The following PPFIA2 variants were observed in gnomAD, a reference collection of about 807,000 sequenced individuals.
PPFIA2 encodes liprin-alpha-2.
A neutral mutation model predicts 175.5 loss-of-function variants in PPFIA2; 46 were observed. The observed-to-expected ratio is 0.26, with a 90% confidence interval of 0.21 to 0.34. PPFIA2 has a LOEUF of 0.34. Among genes scored for constraint, PPFIA2 ranks in the 10% least tolerant of loss-of-function variants. The pLI is 1.00. For synonymous variants in PPFIA2, 568 were observed against 511.4 expected (o/e 1.11, Z -1.49); for missense variants, 1,179 against 1,506.1 (o/e 0.78, Z 3.60).
chr12:81,604,664 T>G (rs118181538), intron 4 of PPFIA2, among the ~76,000 whole-genome samples: 2,982 of 151,660 alleles, frequency 0.02, 55 homozygotes, highest in Non-Finnish European at 0.029. Flanking sequence ...CAATCATTGG[T>G]TTTCAGGCAA....
At chr12:81,348,945 T>C (rs191801877) in intron 17 of PPFIA2, among the ~76,000 whole-genome samples, 152 of 152,306 alleles carry the variant, frequency 1.0e-3, no homozygotes, top group Non-Finnish European at 8.8e-4. Flanking sequence ...TCCCCTCTTA[T>C]ATAGAACCTG....
intron 3 of PPFIA2, among the ~76,000 whole-genome samples, chr12:81,722,847 G>C (rs142415567): frequency 6.6e-6 from 1 of 150,916 alleles, no homozygotes; most frequent in Non-Finnish European, 1.5e-5. Flanking sequence ...ATGTAAGCAC[G>C]CTGTGCTACC....
intron 8 of PPFIA2, among the ~76,000 whole-genome samples, chr12:81,400,604 T>G (rs1427963499): frequency 2.0e-5 from 3 of 152,210 alleles, no homozygotes; most frequent in African/African-American, 7.2e-5. Context: ...GATTTTACAT[T>G]TATTCAGCTT....
At chr12:81,473,909 C>T (rs1005355642) in intron 4 of PPFIA2, among the ~76,000 whole-genome samples, 1 of 152,132 alleles carries the variant, frequency 6.6e-6, no homozygotes, top group African/African-American at 2.4e-5. Context: ...GCATTCCTTA[C>T]TCATTTTTAT....
At chr12:81,570,254 A>G (rs1022740678) in intron 4 of PPFIA2, among the ~76,000 whole-genome samples, 7 of 152,296 alleles carry the variant, frequency 4.6e-5, no homozygotes, top group African/African-American at 1.4e-4. Context: ...TTTTGACTTG[A>G]CAATTACATT....
chr12:81,373,249 C>T (rs2035606010), intron 11 of PPFIA2, among the ~76,000 whole-genome samples: 1 of 151,568 alleles, frequency 6.6e-6, no homozygotes, highest in Non-Finnish European at 1.5e-5. Context: ...TTTTCTTATT[C>T]AGTAACTCAT....
At chr12:81,416,964 T>C (rs2143341793) in intron 7 of PPFIA2, among the ~76,000 whole-genome samples, 1 of 151,928 alleles carries the variant, frequency 6.6e-6, no homozygotes. Flanking sequence ...AATAAATATT[T>C]ATTTTTAAAT....
chr12:81,722,891 T>A (rs2079537113), intron 3 of PPFIA2, among the ~76,000 whole-genome samples: 1 of 151,154 alleles, frequency 6.6e-6, no homozygotes, highest in South Asian at 2.1e-4. Context: ...AAAATTTCTC[T>A]TCTGAAGATT....
chr12:81,741,907 T>C (rs1360991229), intron 3 of PPFIA2, among the ~76,000 whole-genome samples: 1 of 152,170 alleles, frequency 6.6e-6, no homozygotes, highest in Non-Finnish European at 1.5e-5. Context: ...AATAATTTCA[T>C]AAATTTAAGC....
chr12:81,277,439 A>G (rs981552863), intron 27 of PPFIA2, 25 bp from the exon 28 acceptor site: 1 of 1,489,486 alleles, frequency 6.7e-7, no homozygotes, highest in Non-Finnish European at 8.9e-7. Context: ...AAAAAAAAAA[A>G]AACACAGTGA....
intron 5 of PPFIA2, among the ~76,000 whole-genome samples, chr12:81,456,206 C>T (rs569256673): frequency 1.3e-5 from 2 of 152,040 alleles, no homozygotes; most frequent in Admixed American, 6.5e-5. Flanking sequence ...TGCACGAAAA[C>T]ACAGTGTTAA....
intron 4 of PPFIA2, chr12:81,597,967 C>A (rs1392812934): frequency 6.5e-7 from 1 of 1,534,954 alleles, no homozygotes; most frequent in African/African-American, 1.4e-5. Flanking sequence ...AAGTGTAAAA[C>A]CGGGTCCCAT....
chr12:81,496,080 G>A (rs1466005892), intron 4 of PPFIA2, among the ~76,000 whole-genome samples: 1 of 152,084 alleles, frequency 6.6e-6, no homozygotes, highest in East Asian at 1.9e-4. Flanking sequence ...GGAGACCCAG[G>A]AGTTTTTATA....
At chr12:81,357,520 G>A (rs2061029981) in intron 16 of PPFIA2, among the ~76,000 whole-genome samples, 1 of 152,182 alleles carries the variant, frequency 6.6e-6, no homozygotes, top group Admixed American at 6.5e-5. Context: ...TGACTGAATG[G>A]AAGGCTAGCA....
intron 4 of PPFIA2, among the ~76,000 whole-genome samples, chr12:81,652,917 G>A (rs1361789169): frequency 6.6e-6 from 1 of 152,066 alleles, no homozygotes; most frequent in South Asian, 2.1e-4. Flanking sequence ...TAAATGTCAT[G>A]AGCATCTATC....
At chr12:81,403,027 A>G in intron 8 of PPFIA2, among the ~76,000 whole-genome samples, 1 of 152,166 alleles carries the variant, frequency 6.6e-6, no homozygotes, top group East Asian at 1.9e-4. Context: ...ACCAAAGGAT[A>G]TGGGCATGAT....
intron 4 of PPFIA2, among the ~76,000 whole-genome samples, chr12:81,581,579 A>G (rs936779040): frequency 6.6e-6 from 1 of 151,802 alleles, no homozygotes; most frequent in African/African-American, 2.4e-5. Context: ...ACTGCCCAGC[A>G]TGCTATACAT....
At chr12:81,554,576 C>G (rs1000107993) in intron 4 of PPFIA2, among the ~76,000 whole-genome samples, 1 of 152,020 alleles carries the variant, frequency 6.6e-6, no homozygotes, top group African/African-American at 2.4e-5. Flanking sequence ...CTATCTCTTT[C>G]TCAGATCCAG....
intron 4 of PPFIA2, among the ~76,000 whole-genome samples, chr12:81,614,093 A>G (rs116407540): frequency 6.6e-6 from 1 of 152,054 alleles, no homozygotes; most frequent in African/African-American, 2.4e-5. Flanking sequence ...AGATTGTTTT[A>G]AAAAAAGATT....
Sources: allele counts gnomAD v4.1 joint callset (sites outside exome capture counted in the v4.1 genomes callset), GRCh38; gene constraint gnomAD v4.1.1; transcripts MANE v1.5; gene names NCBI Gene and HGNC (gene_info 2026-07-23, HGNC 2026-07-21).